The following DLG2 variants were observed in gnomAD, a reference collection of about 807,000 sequenced individuals.
The protein encoded by DLG2 is disks large homolog 2.
A neutral mutation model predicts 132.5 loss-of-function variants in DLG2; 45 were observed. The observed-to-expected ratio is 0.34, with a 90% CI of 0.27 to 0.44. The LOEUF (loss-of-function observed/expected upper bound fraction) is 0.44, where lower values mean the gene tolerates loss of function less well. DLG2 is among the 20% of genes least tolerant of loss of function. DLG2 has a pLI of 1.00. For synonymous variants in DLG2, 424 were observed against 419.6 expected (o/e 1.01, Z -0.13); for missense variants, 1,045 against 1,196.9 (o/e 0.87, Z 1.87).
chr11:83,551,712 A>T (rs898161019), intron 19 of DLG2, among the ~76,000 whole-genome samples: 3 of 152,086 alleles, frequency 2.0e-5, no homozygotes, highest in African/African-American at 7.2e-5. Context: ...TCCCATTATC[A>T]CCTGTTGACT....
chr11:85,370,394 G>A (rs559518868), intron 3 of DLG2, among the ~76,000 whole-genome samples: 5 of 152,296 alleles, frequency 3.3e-5, no homozygotes, highest in African/African-American at 9.6e-5. Flanking sequence ...AAGAAGTAGT[G>A]CAACAACTGT....
chr11:84,537,073 C>G lies in DLG2; in HGVS notation c.358-2342G>C, dbSNP rs2099357245. On this transcript the variant is annotated intron_variant, in intron 6 of 27. Transcript: ENST00000376104. The stretch of plus-strand genomic sequence containing the variant: ...GCTTTCTTACACTGCCATAACCCTA[C>G]TACTATATATGCTGAACCCCCATTA... 1.1e-3 allele frequency among the ~76,000 whole-genome samples: 3 copies of G among 2,616 alleles called. No individual in the cohort carries two copies. In the South Asian group the frequency reaches 0.044, roughly 38 times the overall value. 1.7% of individuals were successfully genotyped at this position (2,616 alleles called of 152,430 possible).
chr11:84,784,366 A>AAATAAATAAATAAATT (rs1555220726), intron 6 of DLG2, among the ~76,000 whole-genome samples: 2 of 147,406 alleles, frequency 1.4e-5, no homozygotes, highest in African/African-American at 5.0e-5. Flanking sequence ...ATAAATAAAT[A>AAATAAATAAATAAATT]AATTAAACAA....
intron 3 of DLG2, among the ~76,000 whole-genome samples, chr11:85,289,657 C>G (rs191631254): frequency 1.2e-4 from 19 of 152,230 alleles, no homozygotes; most frequent in African/African-American, 3.4e-4. Flanking sequence ...TGTTCCCTTA[C>G]GACATACCTG....
intron 9 of DLG2, among the ~76,000 whole-genome samples, chr11:84,119,683 T>G (rs901775948): frequency 1.8e-4 from 27 of 152,138 alleles, no homozygotes; most frequent in African/African-American, 5.8e-4. Context: ...CAAGCACATG[T>G]ATCAAGCTTC....
intron 7 of DLG2, among the ~76,000 whole-genome samples, chr11:84,348,019 A>C (rs900794381): frequency 1.3e-5 from 2 of 152,204 alleles, no homozygotes; most frequent in Non-Finnish European, 2.9e-5. Context: ...AATAACATTC[A>C]CAAGCTTGTT....
At chr11:84,842,593 G>A (rs1049177804) in intron 6 of DLG2, among the ~76,000 whole-genome samples, 3 of 151,910 alleles carry the variant, frequency 2.0e-5, no homozygotes, top group Non-Finnish European at 4.4e-5. Context: ...CCCGTCCAGA[G>A]CACTTCAATA....
intron 6 of DLG2, among the ~76,000 whole-genome samples, chr11:84,865,044 G>C (rs1216094220): frequency 6.6e-6 from 1 of 152,072 alleles, no homozygotes; most frequent in Non-Finnish European, 1.5e-5. Flanking sequence ...TCTTTAAAAA[G>C]GGCTTGACAG....
intron 3 of DLG2, among the ~76,000 whole-genome samples, chr11:85,519,841 T>C (rs1029787648): frequency 2.0e-5 from 3 of 152,050 alleles, no homozygotes; most frequent in Non-Finnish European, 4.4e-5. Flanking sequence ...CTGATGGTTA[T>C]TATAAGGGGG....
chr11:84,257,336 G>A (rs1053475153), intron 7 of DLG2, among the ~76,000 whole-genome samples: 4 of 152,064 alleles, frequency 2.6e-5, no homozygotes, highest in Non-Finnish European at 4.4e-5. Context: ...CTATTTGGAG[G>A]ATTTACTTGG....
intron 14 of DLG2, among the ~76,000 whole-genome samples, chr11:83,954,608 T>C (rs1427666104): frequency 6.6e-6 from 1 of 152,220 alleles, no homozygotes; most frequent in Non-Finnish European, 1.5e-5. Flanking sequence ...TTAAGTTTTA[T>C]AATGAACTTT....
At chr11:85,028,925 G>A (rs897325859) in intron 6 of DLG2, among the ~76,000 whole-genome samples, 3 of 152,164 alleles carry the variant, frequency 2.0e-5, no homozygotes, top group Admixed American at 6.5e-5. Flanking sequence ...TGCCTACCCC[G>A]CTGCAGTTGG....
At chr11:83,820,960 G>T (rs2050613064) in intron 17 of DLG2, among the ~76,000 whole-genome samples, 1 of 152,170 alleles carries the variant, frequency 6.6e-6, no homozygotes, top group African/African-American at 2.4e-5. Flanking sequence ...GAATTTCAGG[G>T]AAAAAACTTA....
chr11:85,352,221 T>G (rs902208130), intron 3 of DLG2, among the ~76,000 whole-genome samples: 4 of 152,214 alleles, frequency 2.6e-5, no homozygotes, highest in Non-Finnish European at 2.9e-5. Context: ...TATTCTCTGA[T>G]GGTAGTTTAT....
intron 4 of DLG2, among the ~76,000 whole-genome samples, chr11:85,283,067 A>T (rs539733281): frequency 6.6e-6 from 1 of 152,020 alleles, no homozygotes; most frequent in Non-Finnish European, 1.5e-5. Context: ...GGGGAACAAC[A>T]GACACTGGCA....
At chr11:84,655,006 C>G (rs1273109592) in intron 6 of DLG2, among the ~76,000 whole-genome samples, 2 of 152,166 alleles carry the variant, frequency 1.3e-5, no homozygotes, top group East Asian at 3.8e-4. Flanking sequence ...AAAAACGTAT[C>G]TAAATGTTTT....
At chr11:84,954,072 C>T (rs1591779186) in intron 6 of DLG2, among the ~76,000 whole-genome samples, 1 of 152,096 alleles carries the variant, frequency 6.6e-6, no homozygotes, top group East Asian at 1.9e-4. Context: ...CTTCCCCTCA[C>T]TATTAGGATT....
chr11:83,855,797 G>T (rs2060445155), intron 16 of DLG2, among the ~76,000 whole-genome samples: 2 of 151,844 alleles, frequency 1.3e-5, no homozygotes, highest in Non-Finnish European at 2.9e-5. Context: ...CCAAGACCGT[G>T]CCACTACACT....
At chr11:85,551,041 G>C (rs1319337694) in intron 3 of DLG2, among the ~76,000 whole-genome samples, 2 of 152,176 alleles carry the variant, frequency 1.3e-5, no homozygotes, top group Non-Finnish European at 2.9e-5. Flanking sequence ...TTAATTTTAG[G>C]ATAAAATCCT....
Sources: gnomAD v4.1 joint callset for allele counts (sites outside exome capture counted in the v4.1 genomes callset) on GRCh38, gnomAD v4.1.1 for gene constraint, MANE v1.5 for transcripts, NCBI Gene and HGNC (gene_info 2026-07-23, HGNC 2026-07-21) for gene names.